Variants in CEP120 observed in about 807,000 individuals in gnomAD.
CEP120 encodes centrosomal protein 120, also known as centrosomal protein of 120 kDa.
Under a neutral mutation model 126.5 loss-of-function variants are expected in CEP120, and 113 were observed. The ratio of observed to expected loss-of-function variants is 0.89; its 90% CI spans 0.77 to 1.04. The LOEUF (loss-of-function observed/expected upper bound fraction) is 1.04, where lower values mean the gene tolerates loss of function less well. CEP120 is among the 50% of genes least tolerant of loss of function. The pLI is 0.00. For missense variants in CEP120, 1,230 were observed against 1,155.7 expected, an observed-to-expected ratio of 1.06 and a Z score of -0.93; for synonymous variants, 400 against 394.3, an observed-to-expected ratio of 1.01 and a Z score of -0.17.
At chr5:123,396,446 C>A (rs981169883) in intron 5 of CEP120, among the ~76,000 whole-genome samples, 1 of 151,384 alleles carries the variant, frequency 6.6e-6, no homozygotes. Flanking sequence ...TTAAACTAAA[C>A]TGAAACAGTA....
intron 4 of CEP120, chr5:123,403,690 C>T (rs1773437710): frequency 2.4e-6 from 1 of 413,818 alleles, no homozygotes; most frequent in Non-Finnish European, 4.7e-6. Context: ...AAATTGTGCA[C>T]CACCTGATAA....
chr5:123,404,176 AC>A (rs1457150779), intron 4 of CEP120, among the ~76,000 whole-genome samples: 2 of 145,348 alleles, frequency 1.4e-5, no homozygotes, highest in East Asian at 4.1e-4. Context: ...CATATTTCCA[AC>A]TTTTGGGGAA....
At chr5:123,389,176 A>G (rs1014946536) in intron 8 of CEP120, among the ~76,000 whole-genome samples, 1 of 152,202 alleles carries the variant, frequency 6.6e-6, no homozygotes, top group Admixed American at 6.5e-5. Context: ...ACTACTAACT[A>G]TAACTGCAAT....
At chr5:123,418,631 C>G in intron 1 of CEP120, 116 bp from the exon 2 acceptor site, 1 of 835,832 alleles carries the variant, frequency 1.2e-6, no homozygotes, top group Non-Finnish European at 1.7e-6. Flanking sequence ...GAGTCTTACT[C>G]TGTTGCTTAG....
chr5:123,363,544 T>C (rs1770241917), intron 18 of CEP120, among the ~76,000 whole-genome samples: 1 of 151,554 alleles, frequency 6.6e-6, no homozygotes. Flanking sequence ...TATAGTCACA[T>C]GGTACATTAT....
intron 8 of CEP120, 78 bp from the exon 9 acceptor site, chr5:123,388,684 T>C (rs916635515): frequency 2.5e-5 from 29 of 1,138,824 alleles, no homozygotes; most frequent in Non-Finnish European, 9.5e-6. Flanking sequence ...AGTTTAAGGC[T>C]ATCATCTCAT....
intron 1 of CEP120, chr5:123,422,567 G>A (rs904057734): frequency 8.5e-6 from 13 of 1,533,782 alleles, no homozygotes; most frequent in Non-Finnish European, 1.0e-5. Flanking sequence ...TTCTGGAATC[G>A]CAGGAAGCCT....
In CEP120 at chr5:123,412,349, G is replaced by T. The variant is rs376303873; in HGVS notation, c.463+50C>A. On this transcript the variant is annotated intron_variant, in intron 4 of 19. Transcript: ENST00000306467. Reference sequence around the variant, plus strand: ...AACACTCCCGCTTCCTAAAGCTCTAGTCCAAAGATGGAACTTCTCAGAGAA... The same window carrying T: ...AACACTCCCGCTTCCTAAAGCTCTATTCCAAAGATGGAACTTCTCAGAGAA... The T allele has an allele frequency of 3.2e-5, 50 of 1,554,812 alleles. No individual in the cohort carries two copies. In the Admixed American group the frequency reaches 7.8e-4, roughly 24 times the overall value.
At position 123,389,948 on chromosome 5, in the gene CEP120, T is replaced by C. The variant is rs752694535; in HGVS notation, c.1231A>G (p.Lys411Glu). 8 of 1,614,036 alleles carry C rather than the reference T, an allele frequency of 5.0e-6. No individual in the cohort carries two copies. The highest frequency in any genetic ancestry group is 1.3e-5 in the African/African-American group (1 of 74,936). The change falls in exon 8 of 20, where the codon AAG becomes GAG. Residue 411 changes from lysine to glutamate, a missense_variant. Physicochemically the swap from Lys to Glu is moderately conservative, Grantham distance 56. Transcript: ENST00000306467. ...ESEVESLQYD[K>E]DTKPNPKASS... is the part of the protein sequence containing the mutation. ...CCTTTTGGATTTGGTTTGGTGTCCTTATCATACTGTAAACTTTCCACTTCA... is the reference window on the plus strand; with the variant it reads ...CCTTTTGGATTTGGTTTGGTGTCCTCATCATACTGTAAACTTTCCACTTCA...
At chr5:123,393,616 G>A (rs549832938) in intron 5 of CEP120, 119 bp from the exon 6 acceptor site, 57 of 769,054 alleles carry the variant, frequency 7.4e-5, no homozygotes, top group Non-Finnish European at 1.0e-4. Context: ...TGTCTTAACC[G>A]CTCAAATAAA....
intron 13 of CEP120, 33 bp downstream of exon 13, chr5:123,382,704 G>A: frequency 1.3e-6 from 2 of 1,584,942 alleles, no homozygotes; most frequent in Non-Finnish European, 1.7e-6. Context: ...AGCAGACAAA[G>A]CAGATTTTTT....
chr5:123,418,271 C>T, intron 2 of CEP120, 88 bp downstream of exon 2: 1 of 1,218,866 alleles, frequency 8.2e-7, no homozygotes, highest in Non-Finnish European at 1.1e-6. Flanking sequence ...CTTCTGGTCC[C>T]AAGTATTAAA....
rs74699349 is a variant in CEP120 at position 123,376,076 on chromosome 5, C to T, written c.2358+1298G>A. ...GGACTCCTGGGATACAGCTATAAACCAGAACAGTTTTTATGGAGCAAACAA... is the reference window on the plus strand; with the variant it reads ...GGACTCCTGGGATACAGCTATAAACTAGAACAGTTTTTATGGAGCAAACAA... On this transcript the variant is annotated intron_variant, in intron 16 of 19. Coordinates refer to ENST00000306467, the MANE Select transcript of CEP120 (RefSeq NM_001375405.1). Among the ~76,000 whole-genome samples, 425 of 151,582 alleles carry T rather than the reference C, an allele frequency of 2.8e-3. 2 individuals carry two copies. Among genetic ancestry groups the T allele is most frequent in the African/African-American group, 9.9e-3 (410 of 41,276 alleles).
chr5:123,401,756 G>A (rs1773257281), intron 4 of CEP120: 3 of 1,235,076 alleles, frequency 2.4e-6, no homozygotes, highest in Non-Finnish European at 2.4e-6. Flanking sequence ...AATCCTTCTT[G>A]ATGAGGACAA....
intron 4 of CEP120, among the ~76,000 whole-genome samples, chr5:123,400,646 CATATAT>C (rs1244763136): frequency 7.7e-6 from 1 of 130,680 alleles, no homozygotes. Context: ...CATACATATA[CATATAT>C]ATATGGCTTT....
intron 1 of CEP120, among the ~76,000 whole-genome samples, chr5:123,421,629 TACATATC>T (rs965836549): frequency 1.4e-4 from 19 of 132,946 alleles, no homozygotes; most frequent in Admixed American, 9.2e-4. Context: ...ATATTTACAG[TACATATC>T]ACATATTTTA....
chr5:123,363,664 T>C (rs1236474743), intron 18 of CEP120, among the ~76,000 whole-genome samples: 1 of 151,570 alleles, frequency 6.6e-6, no homozygotes, highest in African/African-American at 2.4e-5. Flanking sequence ...AATTCTCATG[T>C]AGACTGGTAG....
intron 4 of CEP120, among the ~76,000 whole-genome samples, chr5:123,400,522 G>T (rs1773115333): frequency 6.6e-6 from 1 of 151,970 alleles, no homozygotes; most frequent in Non-Finnish European, 1.5e-5. Flanking sequence ...TGCTGGAATG[G>T]AATTGAAGGT....
In CEP120 at chr5:123,377,521, T is replaced by C. The variant is rs1771323638; in HGVS notation, c.2211A>G (p.Lys737=). ...ASVESELQRE[K]KELQSERQRN... is the part of the protein sequence containing the mutation. The stretch of plus-strand genomic sequence containing the variant: ...GCTGACGTTCTGATTGCAGTTCCTT[T>C]TTTTCTCTTTGAAGCTTAAAACAAA... Residue 737 remains lysine (K), a synonymous_variant, in exon 16 of 20, where the codon AAA becomes AAG. Transcript: ENST00000306467. The C allele has an allele frequency of 6.3e-7, 1 of 1,583,690 alleles. No homozygotes were observed. The highest frequency in any genetic ancestry group is 8.5e-7 in the Non-Finnish European group (1 of 1,172,766).
Sources: allele counts gnomAD v4.1 joint callset (sites outside exome capture counted in the v4.1 genomes callset), GRCh38; gene constraint gnomAD v4.1.1; transcripts MANE v1.5; gene names NCBI Gene and HGNC (gene_info 2026-07-23, HGNC 2026-07-21).